Variants in MYO3B observed in about 807,000 individuals in gnomAD.
MYO3B encodes the protein myosin-IIIb.
In MYO3B, 156 loss-of-function variants were observed where a neutral mutation model predicts 174.6. That is an observed-to-expected ratio of 0.89 (90% CI 0.78 to 1.02). MYO3B has a LOEUF of 1.02. Among genes scored for constraint, MYO3B ranks in the 50% least tolerant of loss-of-function variants. The pLI, the probability that MYO3B is intolerant of heterozygous loss-of-function variation, is 0.00. For missense variants in MYO3B, 1,632 were observed against 1,639.4 expected (o/e 1.00, Z 0.08); for synonymous variants, 563 against 569.1 (o/e 0.99, Z 0.15).
At chr2:170,469,354 A>T (rs1023576518) in intron 25 of MYO3B, among the ~76,000 whole-genome samples, 3 of 152,200 alleles carry the variant, frequency 2.0e-5, no homozygotes, top group African/African-American at 7.2e-5. Flanking sequence ...TTACTTGCAG[A>T]TGCCTGGGGC....
At chr2:170,256,855 G>C (rs1381775372) in intron 7 of MYO3B, among the ~76,000 whole-genome samples, 8 of 152,136 alleles carry the variant, frequency 5.3e-5, no homozygotes, top group Non-Finnish European at 1.2e-4. Flanking sequence ...CTGACTTCAA[G>C]AGACCTATCT....
At chr2:170,548,161 G>A (rs1473658924) in intron 32 of MYO3B, among the ~76,000 whole-genome samples, 3 of 150,028 alleles carry the variant, frequency 2.0e-5, no homozygotes, top group African/African-American at 7.4e-5. Context: ...GTAAAGGCTT[G>A]AGGGTGGTGA....
intron 30 of MYO3B, among the ~76,000 whole-genome samples, chr2:170,520,435 G>GTATATATATACACA (rs889739659): frequency 1.3e-5 from 2 of 149,440 alleles, no homozygotes; most frequent in African/African-American, 5.0e-5. Context: ...ATTAAAATAT[G>GTATATATATACACA]TATATATATA....
intron 18 of MYO3B, among the ~76,000 whole-genome samples, chr2:170,402,633 G>GA (rs370243752): frequency 5.3e-4 from 78 of 146,930 alleles, no homozygotes; most frequent in African/African-American, 1.3e-3. Flanking sequence ...TCTACTGCTT[G>GA]AAAAAAAAAA....
intron 7 of MYO3B, chr2:170,333,967 A>C (rs1395428079): frequency 2.0e-5 from 3 of 152,174 alleles, no homozygotes; most frequent in South Asian, 2.1e-4. Context: ...CTTAGTAAGG[A>C]AGATTAGGGG....
At chr2:170,596,230 T>A (rs1277875444) in intron 32 of MYO3B, among the ~76,000 whole-genome samples, 8 of 152,210 alleles carry the variant, frequency 5.3e-5, no homozygotes. Flanking sequence ...TGTTTGTGAT[T>A]CTGGCTGGGT....
intron 22 of MYO3B, among the ~76,000 whole-genome samples, chr2:170,441,075 C>T (rs2094797596): frequency 6.6e-6 from 1 of 152,184 alleles, no homozygotes; most frequent in African/African-American, 2.4e-5. Context: ...GCTGGGATTA[C>T]AGGCGTGAGC....
At chr2:170,567,791 A>C (rs1027912289) in intron 32 of MYO3B, among the ~76,000 whole-genome samples, 1 of 152,210 alleles carries the variant, frequency 6.6e-6, no homozygotes, top group African/African-American at 2.4e-5. Context: ...AGTAGTCTTG[A>C]CACAGACCCA....
intron 32 of MYO3B, among the ~76,000 whole-genome samples, chr2:170,638,473 C>T (rs1265475599): frequency 6.6e-6 from 1 of 152,120 alleles, no homozygotes; most frequent in Non-Finnish European, 1.5e-5. Flanking sequence ...TTTGATTGGT[C>T]GTATTTAAAT....
At chr2:170,470,429 C>G (rs991535817) in intron 25 of MYO3B, among the ~76,000 whole-genome samples, 1 of 151,850 alleles carries the variant, frequency 6.6e-6, no homozygotes, top group Non-Finnish European at 1.5e-5. Context: ...GTACTATGTA[C>G]CAGTATGTTA....
At position 170,501,788 on chromosome 2, in the gene MYO3B, G is replaced by A. The variant is rs769602243; in HGVS notation, c.3293G>A (p.Trp1098Ter). ...GCACATGGTTTTATATTTTTAGCCT[G>A]GAGAGGATATGATGCTCGGAGGAAA... is the stretch of plus-strand genomic sequence containing the variant. ...EKGAIAIQSA[W>*]RGYDARRKFK... The change falls in exon 28 of 35, where the codon TGG (tryptophan) becomes TAG (stop). Residue 1098 changes from tryptophan to a stop codon, truncating the protein, a stop_gained. Transcript: ENST00000408978. LOFTEE classifies it high-confidence loss of function. 1 of 1,605,666 alleles carries A rather than the reference G, an allele frequency of 6.2e-7. No homozygotes were observed. The highest frequency in any genetic ancestry group is 1.1e-5 in the South Asian group (1 of 90,806).
chr2:170,502,562 C>T (rs1281670148), intron 28 of MYO3B, among the ~76,000 whole-genome samples: 1 of 149,826 alleles, frequency 6.7e-6, no homozygotes, highest in Non-Finnish European at 1.5e-5. Flanking sequence ...TCTGGCTCTT[C>T]AGTCACTCTG....
chr2:170,297,902 G>A (rs1281554020), intron 7 of MYO3B, among the ~76,000 whole-genome samples: 7 of 152,120 alleles, frequency 4.6e-5, no homozygotes. Context: ...GGGAATTCTG[G>A]TCTATCACAG....
chr2:170,235,385 G>A (rs148324571), intron 6 of MYO3B, among the ~76,000 whole-genome samples: 1 of 152,192 alleles, frequency 6.6e-6, no homozygotes, highest in Non-Finnish European at 1.5e-5. Flanking sequence ...TTCTGGTTCT[G>A]CTGCTCTTGT....
At chr2:170,266,253 G>A (rs1377567876) in intron 7 of MYO3B, among the ~76,000 whole-genome samples, 1 of 152,050 alleles carries the variant, frequency 6.6e-6, no homozygotes, top group Admixed American at 6.6e-5. Flanking sequence ...TTAATTTTTG[G>A]ATTTTTTAGA....
At chr2:170,479,159 C>T (rs1233291903) in intron 25 of MYO3B, among the ~76,000 whole-genome samples, 1 of 150,204 alleles carries the variant, frequency 6.7e-6, no homozygotes, top group Non-Finnish European at 1.5e-5. Context: ...TGGCACATGC[C>T]TGTAATCTCA....
At chr2:170,636,344 G>C (rs1697470613) in intron 32 of MYO3B, among the ~76,000 whole-genome samples, 1 of 150,160 alleles carries the variant, frequency 6.7e-6, no homozygotes, top group African/African-American at 2.5e-5. Flanking sequence ...AGCCACGCTG[G>C]AAATAACATA....
At chr2:170,550,425 T>C (rs1690800067) in intron 32 of MYO3B, among the ~76,000 whole-genome samples, 1 of 152,162 alleles carries the variant, frequency 6.6e-6, no homozygotes. Flanking sequence ...CTGTGTGGGA[T>C]GGAGGCGGGG....
intron 7 of MYO3B, among the ~76,000 whole-genome samples, chr2:170,324,570 G>A (rs1574786814): frequency 2.0e-5 from 3 of 152,342 alleles, no homozygotes; most frequent in Middle Eastern, 6.8e-3. Context: ...TTCCTTAGAA[G>A]CTGGTTTTTT....
Sources: allele counts gnomAD v4.1 joint callset (sites outside exome capture counted in the v4.1 genomes callset), GRCh38; gene constraint gnomAD v4.1.1; transcripts MANE v1.5; gene names NCBI Gene and HGNC (gene_info 2026-07-23, HGNC 2026-07-21).